Variants in PARD3B observed in about 807,000 individuals in gnomAD.
PARD3B encodes the protein partitioning defective 3 homolog B.
In PARD3B, 103 loss-of-function variants were observed where a neutral mutation model predicts 130.2. The observed-to-expected ratio is 0.79, with a 90% confidence interval of 0.67 to 0.93. PARD3B has a LOEUF of 0.93. PARD3B is among the 40% of genes least tolerant of loss of function. PARD3B has a pLI of 0.00. For missense variants in PARD3B, 1,609 were observed against 1,499.2 expected, an observed-to-expected ratio of 1.07 and a Z score of -1.21; for synonymous variants, 583 against 553.2, an observed-to-expected ratio of 1.05 and a Z score of -0.76.
intron 2 of PARD3B, among the ~76,000 whole-genome samples, chr2:204,702,733 C>G (rs2037952960): frequency 6.6e-6 from 1 of 152,066 alleles, no homozygotes; most frequent in African/African-American, 2.4e-5. Context: ...GGCCACCATA[C>G]TTGGCTAATT....
chr2:205,385,000 C>T (rs1297499342), intron 18 of PARD3B, among the ~76,000 whole-genome samples: 1 of 151,874 alleles, frequency 6.6e-6, no homozygotes, highest in Non-Finnish European at 1.5e-5. Context: ...TCTCCAGCAC[C>T]TCACATTAGA....
At chr2:204,902,528 G>T (rs566905725) in intron 2 of PARD3B, among the ~76,000 whole-genome samples, 1 of 152,118 alleles carries the variant, frequency 6.6e-6, no homozygotes, top group South Asian at 2.1e-4. Context: ...CATTAGCCGG[G>T]CGTGGTGGCG....
intron 2 of PARD3B, among the ~76,000 whole-genome samples, chr2:204,805,064 G>A (rs898901088): frequency 2.0e-5 from 3 of 151,826 alleles, no homozygotes; most frequent in African/African-American, 7.3e-5. Flanking sequence ...GCATAAATTA[G>A]ATGAAAAGAA....
Position 205,352,273 on chromosome 2 carries a change from C to T in PARD3B, c.2631-48740C>T, listed in dbSNP as rs2044023048. Among the ~76,000 whole-genome samples the T allele has an allele frequency of 6.6e-6, 1 of 152,080 alleles. No individual in the cohort carries two copies. Among genetic ancestry groups the T allele is most frequent in the African/African-American group, 2.4e-5 (1 of 41,424 alleles). On this transcript the variant is annotated intron_variant, in intron 18 of 22. Coordinates refer to ENST00000406610, the MANE Select transcript of PARD3B (RefSeq NM_001302769.2). The surrounding 1 kb of genome is among the most constrained non-coding windows in gnomAD (Gnocchi z 5.2). ...AGGAGGGAAAAAAAACATAGTAGAG[C>T]TTTTCTTTTCACTGTACAGTTATGG...
chr2:205,134,356 C>CTA (rs2032285083), intron 10 of PARD3B, among the ~76,000 whole-genome samples: 1 of 80,056 alleles, frequency 1.2e-5, no homozygotes, highest in Non-Finnish European at 3.3e-5. Flanking sequence ...AACCCCATCT[C>CTA]TACAAAAAAA....
intron 2 of PARD3B, among the ~76,000 whole-genome samples, chr2:204,727,364 C>T (rs940391900): frequency 3.3e-5 from 5 of 152,178 alleles, no homozygotes; most frequent in African/African-American, 1.2e-4. Flanking sequence ...CAGAATCCTG[C>T]AGTCAGCTAT....
At chr2:205,077,893 T>A (rs1028057898) in intron 4 of PARD3B, among the ~76,000 whole-genome samples, 15 of 152,268 alleles carry the variant, frequency 9.9e-5, no homozygotes, top group East Asian at 1.9e-4. Context: ...GCCATAGGAA[T>A]TTTTGTGTTG....
At chr2:204,859,023 T>C (rs151029333) in intron 2 of PARD3B, among the ~76,000 whole-genome samples, 438 of 152,010 alleles carry the variant, frequency 2.9e-3, no homozygotes, top group African/African-American at 9.1e-3. Context: ...TTTATTATTC[T>C]CAAATTTCAG....
chr2:205,001,925 G>A (rs1694868226), intron 3 of PARD3B, among the ~76,000 whole-genome samples: 1 of 152,186 alleles, frequency 6.6e-6, no homozygotes, highest in Admixed American at 6.5e-5. Context: ...ACATGGTATT[G>A]AATGAAGAAA....
At chr2:205,053,508 T>C (rs1699378794) in intron 4 of PARD3B, among the ~76,000 whole-genome samples, 1 of 151,682 alleles carries the variant, frequency 6.6e-6, no homozygotes, top group Non-Finnish European at 1.5e-5. Context: ...GGCTTGGTGG[T>C]GTGTGCCTGT....
At chr2:205,553,112 C>A (rs1282618414) in intron 21 of PARD3B, among the ~76,000 whole-genome samples, 2 of 152,092 alleles carry the variant, frequency 1.3e-5, no homozygotes, top group African/African-American at 2.4e-5. Flanking sequence ...TGACAGTGAC[C>A]CTTTTTTGAA....
chr2:205,031,246 G>A (rs1697400993), intron 3 of PARD3B, among the ~76,000 whole-genome samples: 1 of 152,132 alleles, frequency 6.6e-6, no homozygotes, highest in Non-Finnish European at 1.5e-5. Context: ...AGGCAACTCT[G>A]TGTGTGCGTT....
intron 2 of PARD3B, among the ~76,000 whole-genome samples, chr2:204,865,379 A>T (rs993307406): frequency 6.6e-6 from 1 of 152,252 alleles, no homozygotes; most frequent in East Asian, 1.9e-4. Flanking sequence ...AATGACTTCC[A>T]TATGCAAATG....
At chr2:204,676,123 G>C (rs570946862) in intron 1 of PARD3B, among the ~76,000 whole-genome samples, 2 of 151,042 alleles carry the variant, frequency 1.3e-5, no homozygotes, top group Non-Finnish European at 2.9e-5. Flanking sequence ...TTTTTGGGGC[G>C]GGGGGTGGTA....
chr2:204,764,937 A>AT (rs58060321), intron 2 of PARD3B, among the ~76,000 whole-genome samples: 124 of 150,830 alleles, frequency 8.2e-4, no homozygotes, highest in Admixed American at 5.6e-3. Flanking sequence ...GGACTGATGC[A>AT]TTTTTTTTTG....
At chr2:205,052,444 T>C (rs1220557678) in intron 4 of PARD3B, among the ~76,000 whole-genome samples, 1 of 42,834 alleles carries the variant, frequency 2.3e-5, no homozygotes, top group Non-Finnish European at 4.4e-5. Flanking sequence ...TATATATATA[T>C]ATATATAAAA....
chr2:205,447,324 G>A (rs1030430107), intron 20 of PARD3B, among the ~76,000 whole-genome samples: 1 of 152,182 alleles, frequency 6.6e-6, no homozygotes, highest in East Asian at 1.9e-4. Context: ...AGTTCCTGGG[G>A]CAGTCTGTCC....
chr2:205,001,116 G>C (rs1014315398), intron 3 of PARD3B, among the ~76,000 whole-genome samples: 2 of 152,086 alleles, frequency 1.3e-5, no homozygotes, highest in Non-Finnish European at 2.9e-5. Context: ...AGCCTCCCTA[G>C]TAGCTGGGAT....
At chr2:205,054,427 TATA>T (rs1348400653) in intron 4 of PARD3B, among the ~76,000 whole-genome samples, 295 of 24,688 alleles carry the variant, frequency 0.012, 1 homozygote, top group Middle Eastern at 0.045. Flanking sequence ...TATATATATA[TATA>T]TATATATTTT....
Sources: gnomAD v4.1 joint callset for allele counts (sites outside exome capture counted in the v4.1 genomes callset) on GRCh38, gnomAD v4.1.1 for gene constraint, Gnocchi (gnomAD v3.1) non-coding constraint, MANE v1.5 for transcripts, NCBI Gene and HGNC (gene_info 2026-07-23, HGNC 2026-07-21) for gene names.